SPG21: variants seen among roughly 807,000 people sequenced by gnomAD.
SPG21 encodes SPG21 abhydrolase domain containing, maspardin.
In SPG21, 26 loss-of-function variants were observed where a neutral mutation model predicts 38.9. That is an observed-to-expected ratio of 0.67 (90% CI 0.49 to 0.93). The LOEUF is 0.93. SPG21 is among the 40% of genes least tolerant of loss of function. The pLI is 0.00. For synonymous variants in SPG21, 136 were observed against 128.9 expected (o/e 1.05, Z -0.37); for missense variants, 333 against 376.5 (o/e 0.88, Z 0.96).
intron 3 of SPG21, 82 bp downstream of exon 3, chr15:64,980,782 T>G: frequency 2.1e-6 from 3 of 1,441,752 alleles, no homozygotes; most frequent in Non-Finnish European, 2.9e-6. Context: ...CTGTGCCCAT[T>G]ACTATAGCTG....
chr15:64,989,075 C>T (rs1480350525), intron 1 of SPG21: 1 of 151,770 alleles, frequency 6.6e-6, no homozygotes, highest in African/African-American at 2.4e-5. Context: ...AAGGAAGCAG[C>T]ATAAATGTCT....
At position 64,988,314 on chromosome 15, in the gene SPG21, C is replaced by T. The variant is rs549119763; in HGVS notation, c.-25+1351G>A. Among the ~76,000 whole-genome samples, 286 of 152,280 alleles carry T rather than the reference C, an allele frequency of 1.9e-3. 1 individual carries two copies. Among genetic ancestry groups the T allele is most frequent in the Admixed American group, 4.7e-3 (72 of 15,284 alleles). On this transcript the variant is annotated intron_variant, in intron 1 of 8. Transcript: ENST00000204566. ...TCAACAGAACCTGCCACTTTAAAGT[C>T]AACAAAATCACCTTTATCAATGTTT...
chr15:64,969,387 T>G, intron 6 of SPG21, 25 bp from the exon 7 acceptor site: 2 of 1,507,180 alleles, frequency 1.3e-6, no homozygotes, highest in Non-Finnish European at 1.8e-6. Flanking sequence ...ACAGGTAAAG[T>G]TTTTGAAATA....
chr15:64,981,137 A>G, intron 2 of SPG21, 112 bp from the exon 3 acceptor site: 1 of 1,332,700 alleles, frequency 7.5e-7, no homozygotes, highest in Non-Finnish European at 1.0e-6. Context: ...GTTTGTTACA[A>G]GGTAACCTGG....
At chr15:64,987,109 C>T (rs1401757296) in intron 1 of SPG21, 2 of 152,202 alleles carry the variant, frequency 1.3e-5, no homozygotes, top group Non-Finnish European at 2.9e-5. Context: ...CATACACAGG[C>T]ACACATATTC....
intron 1 of SPG21, among the ~76,000 whole-genome samples, chr15:64,988,060 C>T (rs1338072026): frequency 6.6e-6 from 1 of 151,208 alleles, no homozygotes; most frequent in African/African-American, 2.4e-5. Context: ...ACAGCAACAA[C>T]AACAAAAACA....
At chr15:64,980,841 G>A (rs771130416) in intron 3 of SPG21, 23 bp downstream of exon 3, 1 of 1,611,088 alleles carries the variant, frequency 6.2e-7, no homozygotes, top group East Asian at 2.2e-5. Flanking sequence ...ACGTGGGTCT[G>A]AATTTTAATC....
intron 5 of SPG21, among the ~76,000 whole-genome samples, chr15:64,971,599 G>A (rs757713496): frequency 1.3e-5 from 2 of 151,746 alleles, no homozygotes; most frequent in Non-Finnish European, 2.9e-5. Flanking sequence ...AGAACTTTGG[G>A]AGGCCAAGGT....
In SPG21 at chr15:64,988,120, G is replaced by C. The variant is rs1352150249; in HGVS notation, c.-25+1545C>G. On this transcript the variant is annotated intron_variant, in intron 1 of 8. Coordinates refer to ENST00000204566, the MANE Select transcript of SPG21 (RefSeq NM_016630.7). The stretch of plus-strand genomic sequence containing the variant: ...TCCTGTAATCCCAGCTACTTAGGAG[G>C]CTGAGGCAGGAGAATTGCTTGAACC... 2.0e-5 allele frequency among the ~76,000 whole-genome samples: 3 copies of C among 152,240 alleles called. No homozygotes were observed. In the East Asian group the frequency reaches 5.8e-4, roughly 29 times the overall value.
intron 5 of SPG21, among the ~76,000 whole-genome samples, chr15:64,973,358 C>T (rs561406089): frequency 1.3e-5 from 2 of 152,126 alleles, no homozygotes; most frequent in Admixed American, 1.3e-4. Flanking sequence ...AGATACCTAC[C>T]AATTACTTAA....
intron 1 of SPG21, chr15:64,987,373 A>G (rs2086016832): frequency 6.6e-6 from 1 of 152,252 alleles, no homozygotes; most frequent in Non-Finnish European, 1.5e-5. Context: ...TAAGTGAAAA[A>G]AAGATCACTG....
intron 5 of SPG21, among the ~76,000 whole-genome samples, chr15:64,970,875 G>A (rs867292497): frequency 3.3e-5 from 5 of 152,014 alleles, no homozygotes; most frequent in South Asian, 2.1e-4. Context: ...GAGTAGCTGC[G>A]ACTACAGGCA....
intron 5 of SPG21, among the ~76,000 whole-genome samples, chr15:64,971,265 C>T (rs991452339): frequency 6.6e-6 from 1 of 152,070 alleles, no homozygotes; most frequent in Non-Finnish European, 1.5e-5. Flanking sequence ...CGGGGCCAGG[C>T]ACGGTGGCTC....
rs1462868366 is a variant in SPG21, at chr15:64,981,017, C to T, written c.72G>A (p.Val24=). ...RGTVPLKKII[V]DDDDSKIWSL... is the part of the protein sequence containing the mutation. ...ACCATATCTTACTGTCATCATCATC[C>T]ACAATAATCTGGAGGGAAGGTTAAA... The change falls in exon 3 of 9, where the codon GTG becomes GTA. Residue 24 remains valine, a synonymous_variant. Transcript: ENST00000204566. 1 of 1,613,960 alleles carries T rather than the reference C, an allele frequency of 6.2e-7. No individual in the cohort carries two copies. Among genetic ancestry groups the T allele is most frequent in the Non-Finnish European group, 8.5e-7 (1 of 1,180,022 alleles).
rs147322520 is a variant in SPG21, at chr15:64,980,180, C to T, written c.225+684G>A. Among the ~76,000 whole-genome samples, 29 of 152,286 alleles carry T rather than the reference C, an allele frequency of 1.9e-4. 1 individual carries two copies. The East Asian group carries it at 5.2e-3, about 27-fold the overall frequency. ...GAGGAGCAGAAACAGAGCCAGGAGACGGAGCTCAGTTCCTCCCTCCACCAC... is the reference window on the plus strand; with the variant it reads ...GAGGAGCAGAAACAGAGCCAGGAGATGGAGCTCAGTTCCTCCCTCCACCAC... On this transcript the variant is annotated intron_variant, in intron 3 of 8. Coordinates refer to ENST00000204566, the MANE Select transcript of SPG21 (RefSeq NM_016630.7).
rs1196503206 is a variant in SPG21 at position 64,989,695 on chromosome 15, TC to T, written c.-56del. 1 of 152,440 alleles carries T rather than the reference TC, an allele frequency of 6.6e-6. No individual in the cohort carries two copies. Among genetic ancestry groups the T allele is most frequent in the African/African-American group, 2.4e-5 (1 of 41,358 alleles). The allele number at this position is 152,440 out of a possible 1,614,324, so 9.4% of individuals were successfully genotyped here. A position where few individuals can be genotyped will look rare whatever the true frequency, so the allele number is the denominator to read the frequency against. ...GTGGCCGCCCCCACGTCCCTTCCCCTCCTTCAGGAGGCCGCTCTTCGCTCCA... is the reference window on the plus strand; with the variant it reads ...GTGGCCGCCCCCACGTCCCTTCCCCTCTTCAGGAGGCCGCTCTTCGCTCCA... On this transcript the variant is annotated 5_prime_UTR_variant, in exon 1 of 9. Transcript: ENST00000204566.
At chr15:64,988,515 C>G (rs1163590872) in intron 1 of SPG21, 1 of 152,240 alleles carries the variant, frequency 6.6e-6, no homozygotes, top group Non-Finnish European at 1.5e-5. Flanking sequence ...TCCCTCACCA[C>G]AGAAGTACAC....
intron 4 of SPG21, 136 bp from the exon 5 acceptor site, chr15:64,974,883 T>C: frequency 2.1e-6 from 2 of 941,422 alleles, no homozygotes; most frequent in South Asian, 2.9e-5. Flanking sequence ...TTACAGCAGC[T>C]AGAAATTTAG....
At chr15:64,984,140 A>G (rs55830647) in intron 1 of SPG21, among the ~76,000 whole-genome samples, 4,164 of 152,218 alleles carry the variant, frequency 0.027, 105 homozygotes, top group South Asian at 0.13. Context: ...CAGAAAAGGA[A>G]TCTGGTCTAG....
Sources: gnomAD v4.1 joint callset for allele counts (sites outside exome capture counted in the v4.1 genomes callset) on GRCh38, gnomAD v4.1.1 for gene constraint, MANE v1.5 for transcripts, NCBI Gene and HGNC (gene_info 2026-07-23, HGNC 2026-07-21) for gene names.